The following CDYL2 variants were observed in gnomAD, a reference collection of about 807,000 sequenced individuals.
The protein encoded by CDYL2 is chromodomain Y like 2.
A neutral mutation model predicts 49.4 loss-of-function variants in CDYL2; 23 were observed. The observed-to-expected ratio is 0.47, with a 90% CI of 0.34 to 0.66. The LOEUF is 0.66. Ranked by LOEUF, CDYL2 falls within the 30% of genes least tolerant of loss-of-function variation. The probability of loss-of-function intolerance (pLI) is 0.01; values close to 1 mark genes in which losing one functional copy is unlikely to be tolerated. For synonymous variants in CDYL2, 360 were observed against 268.8 expected (o/e 1.34, Z -3.32); for missense variants, 678 against 656.4 (o/e 1.03, Z -0.36).
chr16:80,623,663 G>C (rs1338329328), intron 3 of CDYL2, among the ~76,000 whole-genome samples: 1 of 152,170 alleles, frequency 6.6e-6, no homozygotes, highest in Non-Finnish European at 1.5e-5. Flanking sequence ...AACTCACTTA[G>C]CCTTCTGGGG....
chr16:80,612,038 C>G lies in CDYL2; in HGVS notation c.1218+588G>C, dbSNP rs1260468618. Reference sequence around the variant, plus strand: ...GTGTCCACTGAATCCTTTCCCTCTTCTTGCTGGACATGCGCTGGGCTGCGT... The same window carrying G: ...GTGTCCACTGAATCCTTTCCCTCTTGTTGCTGGACATGCGCTGGGCTGCGT... On this transcript the variant is annotated intron_variant, in intron 5 of 6. Coordinates refer to ENST00000570137, the MANE Select transcript of CDYL2 (RefSeq NM_152342.4). This position sits in a 1 kb window ranked among gnomAD's most constrained non-coding sequence, Gnocchi z 5.0. Among the ~76,000 whole-genome samples the G allele has an allele frequency of 1.3e-5, 2 of 152,246 alleles. No homozygotes were observed. Among genetic ancestry groups the G allele is most frequent in the Non-Finnish European group, 2.9e-5 (2 of 68,042 alleles).
chr16:80,666,074 G>A (rs944983860), intron 2 of CDYL2, among the ~76,000 whole-genome samples: 9 of 152,098 alleles, frequency 5.9e-5, no homozygotes, highest in South Asian at 2.1e-4. Context: ...GACTCATGAG[G>A]CGCCAGGACC....
At chr16:80,737,363 CTTAA>C (rs918804676) in intron 1 of CDYL2, among the ~76,000 whole-genome samples, 4 of 152,128 alleles carry the variant, frequency 2.6e-5, no homozygotes, top group African/African-American at 9.7e-5. Flanking sequence ...TTGGAACAAC[CTTAA>C]AAGGGAGGAA....
At chr16:80,761,474 T>C (rs62048563) in intron 1 of CDYL2, among the ~76,000 whole-genome samples, 15,999 of 152,202 alleles carry the variant, frequency 0.11, 946 homozygotes, top group South Asian at 0.22. Flanking sequence ...GTGGTGCTGG[T>C]GGTCTTGAAG....
rs146673315 is a variant in CDYL2 at position 80,687,873 on chromosome 16, A to G, written c.25-2744T>C. Among the ~76,000 whole-genome samples the G allele has an allele frequency of 7.1e-3, 1,089 of 152,326 alleles. 7 individuals are homozygous for G. Among genetic ancestry groups the G allele is most frequent in the Middle Eastern group, 0.024 (7 of 294 alleles). ...ACAACTATGTACGTTTGCATTCCACAGTAATCTTGCATAGACTCCTGTGAC... is the reference window on the plus strand; with the variant it reads ...ACAACTATGTACGTTTGCATTCCACGGTAATCTTGCATAGACTCCTGTGAC... On this transcript the variant is annotated intron_variant, in intron 1 of 6. Transcript: ENST00000570137.
intron 1 of CDYL2, among the ~76,000 whole-genome samples, chr16:80,715,277 G>A (rs1221497389): frequency 1.3e-5 from 2 of 152,118 alleles, no homozygotes; most frequent in Non-Finnish European, 2.9e-5. Flanking sequence ...ACTGGCCTGA[G>A]GATACAGGAA....
chr16:80,704,868 A>T (rs1904349620), intron 1 of CDYL2, among the ~76,000 whole-genome samples: 1 of 152,204 alleles, frequency 6.6e-6, no homozygotes. Context: ...CTCTATGGCA[A>T]GTTAAGAACC....
chr16:80,659,352 A>G (rs1908947172), intron 2 of CDYL2, among the ~76,000 whole-genome samples: 1 of 152,236 alleles, frequency 6.6e-6, no homozygotes, highest in Admixed American at 6.5e-5. Flanking sequence ...ACTGTATTCT[A>G]TATTGGAAGA....
intron 2 of CDYL2, among the ~76,000 whole-genome samples, chr16:80,672,092 T>C (rs866362039): frequency 2.6e-5 from 4 of 152,340 alleles, no homozygotes; most frequent in African/African-American, 7.2e-5. Context: ...AATGCTCCAA[T>C]GAGCATTTCC....
intron 1 of CDYL2, among the ~76,000 whole-genome samples, chr16:80,687,826 T>C (rs1910259635): frequency 6.6e-6 from 1 of 152,202 alleles, no homozygotes; most frequent in Non-Finnish European, 1.5e-5. Context: ...CGCCTATCTC[T>C]TGGGGTTGTT....
intron 2 of CDYL2, among the ~76,000 whole-genome samples, chr16:80,646,769 C>A (rs1001188108): frequency 6.6e-6 from 1 of 151,770 alleles, no homozygotes; most frequent in African/African-American, 2.4e-5. Context: ...AGCCTGGAGA[C>A]AGAGTGAGAC....
At chr16:80,753,533 G>A (rs546525044) in intron 1 of CDYL2, among the ~76,000 whole-genome samples, 1 of 152,072 alleles carries the variant, frequency 6.6e-6, no homozygotes, top group Non-Finnish European at 1.5e-5. Context: ...ACTTGAACTG[G>A]GGAGGTGAAG....
intron 2 of CDYL2, among the ~76,000 whole-genome samples, chr16:80,683,078 A>G (rs886275047): frequency 6.6e-6 from 1 of 152,190 alleles, no homozygotes; most frequent in African/African-American, 2.4e-5. Flanking sequence ...CTGGACTCCA[A>G]ATCTACCATC....
chr16:80,747,058 C>T (rs60806226), intron 1 of CDYL2, among the ~76,000 whole-genome samples: 204 of 152,272 alleles, frequency 1.3e-3, no homozygotes, highest in African/African-American at 4.7e-3. Context: ...GGTTGGCTGC[C>T]ATTTATCATC....
At chr16:80,695,489 C>T (rs1313147271) in intron 1 of CDYL2, among the ~76,000 whole-genome samples, 1 of 152,200 alleles carries the variant, frequency 6.6e-6, no homozygotes, top group Non-Finnish European at 1.5e-5. Context: ...TACCCAACTA[C>T]ATGCTGCCTA....
intron 1 of CDYL2, among the ~76,000 whole-genome samples, chr16:80,721,961 G>A (rs1905013082): frequency 1.3e-5 from 2 of 152,214 alleles, no homozygotes; most frequent in South Asian, 2.1e-4. Flanking sequence ...CAGTTCTGGT[G>A]TCTGTTAGCT....
chr16:80,630,300 C>T (rs150616402), intron 3 of CDYL2, among the ~76,000 whole-genome samples: 15 of 152,306 alleles, frequency 9.8e-5, no homozygotes, highest in African/African-American at 3.1e-4. Flanking sequence ...AGAACCTGTG[C>T]ACCTTAAATC....
chr16:80,804,055 C>G (rs1249673688), intron 1 of CDYL2, 95 bp downstream of exon 1: 57 of 860,812 alleles, frequency 6.6e-5, no homozygotes, highest in Non-Finnish European at 7.4e-5. Context: ...CCGGATTGCG[C>G]CCGGCCCCGG....
intron 1 of CDYL2, among the ~76,000 whole-genome samples, chr16:80,743,209 C>T (rs1436732976): frequency 6.6e-6 from 1 of 152,130 alleles, no homozygotes; most frequent in Non-Finnish European, 1.5e-5. Context: ...CTCAATAAAA[C>T]AGGAAACAAT....
Sources: gnomAD v4.1 joint callset for allele counts (sites outside exome capture counted in the v4.1 genomes callset) on GRCh38, gnomAD v4.1.1 for gene constraint, Gnocchi (gnomAD v3.1) non-coding constraint, MANE v1.5 for transcripts, NCBI Gene and HGNC (gene_info 2026-07-23, HGNC 2026-07-21) for gene names.